The following PTPRK variants were observed in gnomAD, a reference collection of about 807,000 sequenced individuals.
The protein encoded by PTPRK is protein tyrosine phosphatase receptor type K.
PTPRK carries 75 observed loss-of-function variants against 178.0 expected under a neutral mutation model. The ratio of observed to expected loss-of-function variants is 0.42; its 90% CI spans 0.35 to 0.51. The LOEUF is 0.51. PTPRK is among the 20% of genes least tolerant of loss of function. PTPRK has a pLI of 0.02. For synonymous variants in PTPRK, 637 were observed against 620.6 expected, an observed-to-expected ratio of 1.03 and a Z score of -0.39; for missense variants, 1,441 against 1,797.8, an observed-to-expected ratio of 0.80 and a Z score of 3.59.
At chr6:128,512,629 T>C (rs1857358683) in intron 1 of PTPRK, among the ~76,000 whole-genome samples, 1 of 152,236 alleles carries the variant, frequency 6.6e-6, no homozygotes, top group Non-Finnish European at 1.5e-5. Context: ...AAATTCATTT[T>C]CTAAAAGAAT....
At chr6:128,348,936 A>G (rs17055772) in intron 2 of PTPRK, among the ~76,000 whole-genome samples, 5,768 of 152,192 alleles carry the variant, frequency 0.038, 386 homozygotes, top group African/African-American at 0.13. Flanking sequence ...AAGAAAGCGA[A>G]TAAAAATCCA....
chr6:128,354,255 T>TTTTTTTTTA (rs869233661), intron 2 of PTPRK, among the ~76,000 whole-genome samples: 2 of 137,828 alleles, frequency 1.5e-5, no homozygotes, highest in East Asian at 2.1e-4. Flanking sequence ...TTTTTTTTTT[T>TTTTTTTTTA]GAGACTGAGT....
chr6:128,071,366 A>G (rs1228576650), intron 11 of PTPRK, among the ~76,000 whole-genome samples: 1 of 151,956 alleles, frequency 6.6e-6, no homozygotes, highest in Non-Finnish European at 1.5e-5. Context: ...TTTTAAAGTC[A>G]TCTCTCATAC....
chr6:128,350,733 A>G (rs1357754555), intron 2 of PTPRK, among the ~76,000 whole-genome samples: 1 of 152,192 alleles, frequency 6.6e-6, no homozygotes, highest in Non-Finnish European at 1.5e-5. Flanking sequence ...AATATGTGGG[A>G]TTTGAACACA....
intron 1 of PTPRK, among the ~76,000 whole-genome samples, chr6:128,472,256 A>C (rs1850775426): frequency 6.6e-6 from 1 of 152,084 alleles, no homozygotes; most frequent in African/African-American, 2.4e-5. Flanking sequence ...GTGCCTCAGA[A>C]GCCCGGTTGT....
rs1774224052 is a variant in PTPRK, at chr6:127,973,951, C to A, written c.3970-124G>T. The A allele has an allele frequency of 8.8e-6, 8 of 910,280 alleles. No homozygotes were observed. In the South Asian group the frequency reaches 1.3e-4, roughly 15 times the overall value. The allele number at this position is 910,280 out of a possible 1,614,324, so 56.4% of individuals were successfully genotyped here. On this transcript the variant is annotated intron_variant, in intron 27 of 29. Coordinates refer to ENST00000368226, the MANE Select transcript of PTPRK (RefSeq NM_002844.4). ...TGGATTGAGTCTAGCTGATATAAAT[C>A]CTCAATATGTACATGCTAGTAAAAA...
chr6:128,051,340 A>C (rs1481057639), intron 13 of PTPRK, among the ~76,000 whole-genome samples: 1 of 152,170 alleles, frequency 6.6e-6, no homozygotes. Context: ...ATTTCTGGAA[A>C]AGAAAGTCTC....
At chr6:128,458,220 C>G (rs929823518) in intron 1 of PTPRK, among the ~76,000 whole-genome samples, 5 of 151,998 alleles carry the variant, frequency 3.3e-5, no homozygotes, top group African/African-American at 4.8e-5. Flanking sequence ...AACTAAAAAT[C>G]AGGAAATATG....
At chr6:128,472,920 T>C (rs1361700491) in intron 1 of PTPRK, among the ~76,000 whole-genome samples, 1 of 152,114 alleles carries the variant, frequency 6.6e-6, no homozygotes, top group African/African-American at 2.4e-5. Context: ...ACAGCAGAAT[T>C]GGATAGTTGT....
intron 5 of PTPRK, among the ~76,000 whole-genome samples, chr6:128,226,205 A>G (rs565682114): frequency 1.3e-4 from 20 of 152,324 alleles, no homozygotes; most frequent in African/African-American, 4.8e-4. Flanking sequence ...TTCATCTAAC[A>G]TTGGGTATAT....
chr6:128,431,235 G>C (rs1489359432), intron 1 of PTPRK, among the ~76,000 whole-genome samples: 1 of 152,102 alleles, frequency 6.6e-6, no homozygotes, highest in Non-Finnish European at 1.5e-5. Flanking sequence ...ATCGTGCTCG[G>C]CCAAATATTC....
chr6:128,276,027 A>C (rs955661769), intron 3 of PTPRK, among the ~76,000 whole-genome samples: 3 of 151,748 alleles, frequency 2.0e-5, no homozygotes, highest in African/African-American at 7.2e-5. Context: ...GTAAACTTTA[A>C]AAAAAATTTT....
rs759140592 is a variant in PTPRK at position 128,184,557 on chromosome 6, G to A, written c.1037C>T (p.Pro346Leu). 1 of 1,613,948 alleles carries A rather than the reference G, an allele frequency of 6.2e-7. No homozygotes were observed. Among genetic ancestry groups the A allele is most frequent in the South Asian group, 1.1e-5 (1 of 91,068 alleles). The change falls in exon 7 of 30, where the codon CCA (proline) becomes CTA (leucine). Residue 346 changes from proline (P) to leucine (L), a missense_variant. Physicochemically the swap from Pro to Leu is moderately conservative, Grantham distance 98 (BLOSUM62 -3). Transcript: ENST00000368226. The part of the protein sequence containing the change: ...SWTETHAVNA[P>L]TYKLWHLDPD... The stretch of plus-strand genomic sequence containing the variant: ...ATCTAAATGCCATAATTTGTAAGTT[G>A]GAGCATTGACTGCATGGGTTTCTGT...
intron 1 of PTPRK, among the ~76,000 whole-genome samples, chr6:128,512,311 G>C (rs1168890026): frequency 6.6e-6 from 1 of 152,130 alleles, no homozygotes; most frequent in Non-Finnish European, 1.5e-5. Context: ...TTTATTTACA[G>C]TATCAAAAAT....
At chr6:128,488,556 G>A (rs536053084) in intron 1 of PTPRK, among the ~76,000 whole-genome samples, 5 of 152,140 alleles carry the variant, frequency 3.3e-5, no homozygotes, top group South Asian at 2.1e-4. Context: ...AATAGAATAC[G>A]CGATTTCTAA....
At chr6:128,476,342 A>G (rs1255951612) in intron 1 of PTPRK, among the ~76,000 whole-genome samples, 2 of 152,208 alleles carry the variant, frequency 1.3e-5, no homozygotes, top group East Asian at 3.9e-4. Context: ...GTATATGTAT[A>G]TCAAATCATC....
At position 128,295,173 on chromosome 6, in the gene PTPRK, T is replaced by C. The variant is rs576129437; in HGVS notation, c.495+26866A>G. Among the ~76,000 whole-genome samples, 15 of 152,260 alleles carry C rather than the reference T, an allele frequency of 9.9e-5. No individual in the cohort carries two copies. The East Asian group carries it at 1.9e-3, about 20-fold the overall frequency. On this transcript the variant is annotated intron_variant, in intron 3 of 29. Transcript: ENST00000368226. ...TCAACATATGAATACTTTCAAACTATTGTCCTTCAACTTTAAAATAATTTT... is the reference window on the plus strand; with the variant it reads ...TCAACATATGAATACTTTCAAACTACTGTCCTTCAACTTTAAAATAATTTT...
intron 1 of PTPRK, among the ~76,000 whole-genome samples, chr6:128,440,190 C>A (rs1432676447): frequency 1.3e-5 from 2 of 152,128 alleles, no homozygotes; most frequent in Admixed American, 1.3e-4. Context: ...CCCATATTTA[C>A]CCAGAGACAA....
chr6:128,241,170 C>A, intron 4 of PTPRK: 3 of 505,730 alleles, frequency 5.9e-6, no homozygotes, highest in Admixed American at 4.3e-5. Context: ...CCAACCACCA[C>A]GTGGTATATA....
Sources: gnomAD v4.1 joint callset for allele counts (sites outside exome capture counted in the v4.1 genomes callset) on GRCh38, gnomAD v4.1.1 for gene constraint, MANE v1.5 for transcripts, NCBI Gene and HGNC (gene_info 2026-07-23, HGNC 2026-07-21) for gene names.